MRPL27: variants seen among roughly 807,000 people sequenced by gnomAD.
MRPL27 encodes the protein mitochondrial ribosomal protein L27, also known as large ribosomal subunit protein bL27m.
A neutral mutation model predicts 14.6 loss-of-function variants in MRPL27; 4 were observed. That is an observed-to-expected ratio of 0.27 (90% CI 0.14 to 0.63). The LOEUF is 0.63. Among genes scored for constraint, MRPL27 ranks in the 20% least tolerant of loss-of-function variants. The pLI is 0.85. For synonymous variants in MRPL27, 82 were observed against 75.5 expected (o/e 1.09, Z -0.45); for missense variants, 196 against 192.8 (o/e 1.02, Z -0.10).
intron 1 of MRPL27, among the ~76,000 whole-genome samples, chr17:50,372,262 G>T (rs545161623): frequency 1.3e-5 from 2 of 151,426 alleles, no homozygotes; most frequent in East Asian, 1.9e-4. Flanking sequence ...TTTTGGGGGG[G>T]GGGGATAGGG....
At chr17:50,368,772 C>A in intron 3 of MRPL27, 1 of 685,930 alleles carries the variant, frequency 1.5e-6, no homozygotes. Context: ...ATAAAACAAT[C>A]ATACTACTGC....
At chr17:50,370,197 G>T in intron 2 of MRPL27, 98 bp from the exon 3 acceptor site, 1 of 1,318,426 alleles carries the variant, frequency 7.6e-7, no homozygotes, top group Non-Finnish European at 1.0e-6. Context: ...CCTGCCCCTG[G>T]CCAAAAACAA....
intron 3 of MRPL27, 157 bp from the exon 4 acceptor site, chr17:50,368,455 C>G: frequency 1.4e-6 from 1 of 704,636 alleles, no homozygotes. Flanking sequence ...CTAGCACGTC[C>G]AAACCTTCTG....
At position 50,367,924 on chromosome 17, in the gene MRPL27, A is replaced by G; in HGVS notation, c.*168T>C. The stretch of plus-strand genomic sequence containing the variant: ...CTCACTTTATTTTTGGCCCCAGGTC[A>G]GGTCTCCCAAAGGGTTTCCCAGCAG... On this transcript the variant is annotated 3_prime_UTR_variant, in exon 4 of 4. Coordinates refer to ENST00000225969, the MANE Select transcript of MRPL27 (RefSeq NM_016504.3). 1 of 705,394 alleles carries G rather than the reference A, an allele frequency of 1.4e-6. No individual in the cohort carries two copies. The highest frequency in any genetic ancestry group is 2.3e-6 in the Non-Finnish European group (1 of 427,682). The allele number at this position is 705,394 out of a possible 1,614,324, so 43.7% of individuals were successfully genotyped here. A position where few individuals can be genotyped will look rare whatever the true frequency, so the allele number is the denominator to read the frequency against.
chr17:50,373,151 G>A lies in MRPL27; in HGVS notation c.20C>T (p.Ala7Val). The A allele has an allele frequency of 1.9e-6, 3 of 1,613,528 alleles. No individual in the cohort carries two copies. Among genetic ancestry groups the A allele is most frequent in the South Asian group, 2.2e-5 (2 of 90,986 alleles). MASVVL[A>V]LRTRTAVTSL... ...ATTACCGGCTGTCCGGGTCCTCAGC[G>A]CCAACACCACCGACGCCATGCTTTC... Residue 7 changes from alanine to valine, a missense_variant, in exon 1 of 4, where the codon GCG (alanine) becomes GTG (valine). Transcript: ENST00000225969.
intron 1 of MRPL27, among the ~76,000 whole-genome samples, chr17:50,371,796 C>A (rs1423011740): frequency 6.6e-6 from 1 of 152,190 alleles, no homozygotes; most frequent in Non-Finnish European, 1.5e-5. Context: ...TCTATTCATT[C>A]ATTTACATAC....
Position 50,370,019 on chromosome 17 carries a change from C to T in MRPL27, c.240+13G>A, listed in dbSNP as rs369076431. 4.3e-5 allele frequency: 69 copies of T among 1,613,586 alleles called. No homozygotes were observed. The African/African-American group carries it at 4.5e-4, about 11-fold the overall frequency. On this transcript the variant is annotated intron_variant, in intron 3 of 3. Coordinates refer to ENST00000225969, the MANE Select transcript of MRPL27 (RefSeq NM_016504.3). ...AGAAAAGGAAAAAGGGGGGCAGCAACGGAGCAACTCACATGGGCACCTGGG... is the reference window on the plus strand; with the variant it reads ...AGAAAAGGAAAAAGGGGGGCAGCAATGGAGCAACTCACATGGGCACCTGGG...
intron 1 of MRPL27, 60 bp from the exon 2 acceptor site, chr17:50,370,646 G>A (rs1421339285): frequency 1.2e-6 from 2 of 1,607,934 alleles, no homozygotes; most frequent in Non-Finnish European, 8.5e-7. Flanking sequence ...CTGCCTCAAT[G>A]GGCCACATGC....
At chr17:50,372,154 A>G (rs941977556) in intron 1 of MRPL27, among the ~76,000 whole-genome samples, 1 of 151,494 alleles carries the variant, frequency 6.6e-6, no homozygotes, top group East Asian at 1.9e-4. Context: ...TTAAATTTAC[A>G]TAAGAGCAAT....
intron 3 of MRPL27, chr17:50,368,968 T>C: frequency 1.5e-6 from 1 of 675,122 alleles, no homozygotes; most frequent in Non-Finnish European, 2.7e-6. Context: ...TCAGGCTGGG[T>C]GTGTGGCAAA....
chr17:50,372,483 G>A (rs1913199405), intron 1 of MRPL27, among the ~76,000 whole-genome samples: 1 of 152,124 alleles, frequency 6.6e-6, no homozygotes. Context: ...GGGCTCAAGC[G>A]ATCCGCCCAC....
In MRPL27 at chr17:50,368,616, C is replaced by T. The variant is rs1188766652; in HGVS notation, c.241-318G>A. 11 of 591,976 alleles carry T rather than the reference C, an allele frequency of 1.9e-5. No individual in the cohort carries two copies. The East Asian group carries it at 2.5e-4, about 14-fold the overall frequency. The allele number at this position is 591,976 out of a possible 1,614,324, so 36.7% of individuals were successfully genotyped here. ...CAAATCCCAAAACCCAGGAAGATGC[C>T]CTAAATCTTCACTTAGACTTAAACA... is the stretch of plus-strand genomic sequence containing the variant. On this transcript the variant is annotated intron_variant, in intron 3 of 3. Coordinates refer to ENST00000225969, the MANE Select transcript of MRPL27 (RefSeq NM_016504.3).
rs1312864349 is a variant in MRPL27, at chr17:50,368,021, C to A, written c.*71G>T. ...TCGGGAGGCCGTGTCGCCACCCCAA[C>A]CCTTGACTTCTGGTATCACCATCTC... On this transcript the variant is annotated 3_prime_UTR_variant, in exon 4 of 4. Coordinates refer to ENST00000225969, the MANE Select transcript of MRPL27 (RefSeq NM_016504.3). The A allele has an allele frequency of 1.0e-4, 160 of 1,562,310 alleles. 1 individual carries two copies. The highest frequency in any genetic ancestry group is 8.8e-6 in the Non-Finnish European group (10 of 1,140,434).
intron 1 of MRPL27, among the ~76,000 whole-genome samples, chr17:50,372,253 T>A (rs1292095241): frequency 6.8e-6 from 1 of 146,126 alleles, no homozygotes. Context: ...TTCTTTTTTT[T>A]TTGGGGGGGG....
rs530403757 is a variant in MRPL27 at position 50,368,798 on chromosome 17, T to G, written c.241-500A>C. On this transcript the variant is annotated intron_variant, in intron 3 of 3. Transcript: ENST00000225969. ...ATACTACTGCATTAGCTAATACCCA[T>G]GTAAGCCCTTTAATACACATTAAGT... The G allele has an allele frequency of 2.9e-5, 20 of 699,596 alleles. No homozygotes were observed. The East Asian group carries it at 5.1e-4, about 18-fold the overall frequency. The allele number at this position is 699,596 out of a possible 1,614,324, so 43.3% of individuals were successfully genotyped here.
intron 3 of MRPL27, chr17:50,369,653 T>C (rs762212660): frequency 2.2e-5 from 5 of 229,288 alleles, no homozygotes; most frequent in Non-Finnish European, 4.2e-5. Context: ...AACTAATAAA[T>C]TGAAATTAGT....
At position 50,370,159 on chromosome 17, in the gene MRPL27, G is replaced by A; in HGVS notation, c.173-60C>T. Reference sequence around the variant, plus strand: ...AGCAAACTACCAAGAAAACATGATGGCCCAAATGCTGCACACCAACCTCCA... The same window carrying A: ...AGCAAACTACCAAGAAAACATGATGACCCAAATGCTGCACACCAACCTCCA... On this transcript the variant is annotated intron_variant, in intron 2 of 3. Transcript: ENST00000225969. 2.0e-6 allele frequency: 3 copies of A among 1,511,208 alleles called. No individual in the cohort carries two copies. In the South Asian group the frequency reaches 3.6e-5, roughly 18 times the overall value. 93.6% of individuals were successfully genotyped at this position (1,511,208 alleles called of 1,614,324 possible).
At chr17:50,368,905 T>A (rs902178893) in intron 3 of MRPL27, 18 of 701,318 alleles carry the variant, frequency 2.6e-5, no homozygotes, top group Non-Finnish European at 4.7e-5. Context: ...GAGATTAAAC[T>A]GTGTTGTATA....
intron 1 of MRPL27, chr17:50,370,817 T>C: frequency 2.1e-6 from 1 of 476,838 alleles, no homozygotes. Flanking sequence ...AAAATAAACA[T>C]CATGTGTTCT....
Sources: allele counts gnomAD v4.1 joint callset (sites outside exome capture counted in the v4.1 genomes callset), GRCh38; gene constraint gnomAD v4.1.1; transcripts MANE v1.5; gene names NCBI Gene and HGNC (gene_info 2026-07-23, HGNC 2026-07-21).